RFFL: variants seen among roughly 807,000 people sequenced by gnomAD.
The protein encoded by RFFL is ring finger and FYVE like domain containing E3 ubiquitin protein ligase, also known as E3 ubiquitin-protein ligase rififylin.
A neutral mutation model predicts 40.4 loss-of-function variants in RFFL; 16 were observed. The ratio of observed to expected loss-of-function variants is 0.40; its 90% confidence interval spans 0.27 to 0.60. RFFL has a LOEUF of 0.60. Among genes scored for constraint, RFFL ranks in the 20% least tolerant of loss-of-function variants. RFFL has a pLI of 0.47. For missense variants in RFFL, 367 were observed against 451.7 expected, an observed-to-expected ratio of 0.81 and a Z score of 1.70; for synonymous variants, 154 against 167.9, an observed-to-expected ratio of 0.92 and a Z score of 0.64.
chr17:35,027,512 G>T (rs1324673224), intron 1 of RFFL, among the ~76,000 whole-genome samples: 3 of 151,852 alleles, frequency 2.0e-5, no homozygotes, highest in Non-Finnish European at 4.4e-5. Flanking sequence ...ATCACCGGAG[G>T]TCGGGAGTTC....
At chr17:35,070,862 G>A (rs769161515) in intron 1 of RFFL, among the ~76,000 whole-genome samples, 18 of 152,124 alleles carry the variant, frequency 1.2e-4, no homozygotes, top group Non-Finnish European at 2.5e-4. Context: ...GTAATCTGAT[G>A]AACTTAAAAA....
intron 1 of RFFL, among the ~76,000 whole-genome samples, chr17:35,078,746 G>A (rs1215684061): frequency 2.0e-5 from 3 of 152,140 alleles, no homozygotes; most frequent in Non-Finnish European, 2.9e-5. Context: ...TTGGGAGGCC[G>A]AGGCAGACAG....
intron 1 of RFFL, chr17:35,073,945 A>G (rs2091363666): frequency 6.6e-6 from 1 of 152,252 alleles, no homozygotes; most frequent in Non-Finnish European, 1.5e-5. Flanking sequence ...TTCAGCACTA[A>G]CAAAGCTAAA....
chr17:35,059,383 C>T (rs1336333230), intron 1 of RFFL, among the ~76,000 whole-genome samples: 2 of 152,108 alleles, frequency 1.3e-5, no homozygotes, highest in East Asian at 3.9e-4. Context: ...CCAAGATATC[C>T]CAGCCAACAG....
intron 1 of RFFL, among the ~76,000 whole-genome samples, chr17:35,040,669 C>T (rs935580014): frequency 6.7e-6 from 1 of 148,816 alleles, no homozygotes; most frequent in Non-Finnish European, 1.5e-5. Context: ...TAAATTCCTA[C>T]CTTCATCTCC....
chr17:35,024,142 G>A (rs374426037), intron 2 of RFFL, among the ~76,000 whole-genome samples: 5 of 152,146 alleles, frequency 3.3e-5, no homozygotes, highest in South Asian at 2.1e-4. Flanking sequence ...TGGCCGTGGC[G>A]CCTCAGGCCG....
chr17:35,029,340 GTTTTT>G (rs751041700), intron 1 of RFFL, among the ~76,000 whole-genome samples: 2 of 128,008 alleles, frequency 1.6e-5, no homozygotes, highest in Admixed American at 7.9e-5. Flanking sequence ...ATATTTTGTA[GTTTTT>G]TTTTTTTTTT....
upstream of RFFL, among the ~76,000 whole-genome samples, chr17:35,068,634 A>G (rs2091332441): frequency 6.6e-6 from 1 of 152,232 alleles, no homozygotes; most frequent in Non-Finnish European, 1.5e-5. Flanking sequence ...GTAATACTTC[A>G]TAGCTCAGAA....
At chr17:35,070,964 C>T (rs541068225) in intron 1 of RFFL, among the ~76,000 whole-genome samples, 199 of 151,960 alleles carry the variant, frequency 1.3e-3, no homozygotes, top group African/African-American at 4.5e-3. Context: ...TGGGAGGCCA[C>T]GGCAGGTAAA....
chr17:35,085,862 A>G (rs1198728782), intron 1 of RFFL, among the ~76,000 whole-genome samples: 3 of 152,254 alleles, frequency 2.0e-5, no homozygotes, highest in Non-Finnish European at 2.9e-5. Context: ...ACCCTGCATA[A>G]GAAAAGTAAA....
chr17:35,073,528 A>C (rs1238639535), intron 1 of RFFL, among the ~76,000 whole-genome samples: 1 of 152,188 alleles, frequency 6.6e-6, no homozygotes, highest in African/African-American at 2.4e-5. Flanking sequence ...TTCTTCTATG[A>C]TTCTCTGGCC....
intron 1 of RFFL, among the ~76,000 whole-genome samples, chr17:35,084,363 G>GATTA (rs2091418673): frequency 6.6e-6 from 1 of 152,164 alleles, no homozygotes; most frequent in Non-Finnish European, 1.5e-5. Flanking sequence ...GGAGGCCAAG[G>GATTA]CGGGCAGATC....
At chr17:35,073,332 C>T (rs2091360477) in intron 1 of RFFL, among the ~76,000 whole-genome samples, 1 of 152,180 alleles carries the variant, frequency 6.6e-6, no homozygotes, top group Admixed American at 6.5e-5. Flanking sequence ...TGAACTCTCA[C>T]TGCAATTTTA....
At chr17:35,068,214 T>A (rs2091330403), upstream of RFFL, among the ~76,000 whole-genome samples, 1 of 152,246 alleles carries the variant, frequency 6.6e-6, no homozygotes, top group Non-Finnish European at 1.5e-5. Flanking sequence ...TGAGCCAATT[T>A]TGCCCAGAAA....
chr17:35,050,287 T>C (rs2091224538), intron 1 of RFFL, among the ~76,000 whole-genome samples: 1 of 151,930 alleles, frequency 6.6e-6, no homozygotes, highest in Non-Finnish European at 1.5e-5. Context: ...CCAGGTGTGG[T>C]AACTCACACC....
At chr17:35,085,364 G>C (rs2091424186) in intron 1 of RFFL, among the ~76,000 whole-genome samples, 1 of 152,096 alleles carries the variant, frequency 6.6e-6, no homozygotes, top group African/African-American at 2.4e-5. Flanking sequence ...GTAGAGAGCA[G>C]GAAAAAACAG....
intron 1 of RFFL, among the ~76,000 whole-genome samples, chr17:35,034,524 G>A (rs1016043510): frequency 1.3e-5 from 2 of 150,630 alleles, no homozygotes; most frequent in Admixed American, 6.6e-5. Context: ...TTAAATCCAC[G>A]TTACTTTTTT....
chr17:35,025,910 G>A (rs753110326), intron 2 of RFFL, among the ~76,000 whole-genome samples: 2 of 152,146 alleles, frequency 1.3e-5, no homozygotes, highest in Admixed American at 6.5e-5. Context: ...CATCCTTAAC[G>A]TTGCTTTTGA....
At chr17:35,012,268 C>T (rs2090945755) in intron 6 of RFFL, 119 bp from the exon 7 acceptor site, 5 of 783,438 alleles carry the variant, frequency 6.4e-6, no homozygotes, top group Admixed American at 5.7e-5. Context: ...AACAAAGTCT[C>T]AGTGCACATG....
Sources: gnomAD v4.1 joint callset for allele counts (sites outside exome capture counted in the v4.1 genomes callset) on GRCh38, gnomAD v4.1.1 for gene constraint, MANE v1.5 for transcripts, NCBI Gene and HGNC (gene_info 2026-07-23, HGNC 2026-07-21) for gene names.